The following NCOR2 variants were observed in gnomAD, a reference collection of about 807,000 sequenced individuals.
The protein encoded by NCOR2 is CTG repeat protein 26.
A neutral mutation model predicts 262.9 loss-of-function variants in NCOR2; 81 were observed. That is an observed-to-expected ratio of 0.31 (90% CI 0.26 to 0.37). The LOEUF (loss-of-function observed/expected upper bound fraction) is 0.37. NCOR2 is among the 10% of genes least tolerant of loss of function. The pLI is 1.00. For missense variants in NCOR2, 3,385 were observed against 3,621.4 expected (o/e 0.93, Z 1.68); for synonymous variants, 1,659 against 1,559.3 (o/e 1.06, Z -1.51).
At chr12:124,374,387 C>G (rs776716904) in intron 19 of NCOR2, 26 bp downstream of exon 21, 1 of 1,611,110 alleles carries the variant, frequency 6.2e-7, no homozygotes, top group Non-Finnish European at 8.5e-7. Context: ...GGCCCTACCC[C>G]CCAGGCCAGC....
Position 124,389,219 on chromosome 12 carries a change from C to T in NCOR2, c.1877-3332G>A, listed in dbSNP as rs1248337854. ...GGCCAGAGCCCACAGACCCCCGGGC[C>T]GGGCAAAATCCAAGGACCCAGGCCC... On this transcript the variant is annotated intron_variant, in intron 16 of 46. Coordinates refer to ENST00000405201, the Ensembl canonical transcript of NCOR2. The surrounding 1 kb of genome is among the most constrained non-coding windows in gnomAD (Gnocchi z 4.4). 2.6e-5 allele frequency among the ~76,000 whole-genome samples: 4 copies of T among 152,378 alleles called. No individual in the cohort carries two copies. Among genetic ancestry groups the T allele is most frequent in the South Asian group, 2.1e-4 (1 of 4,832 alleles).
intron 1 of NCOR2, among the ~76,000 whole-genome samples, chr12:124,543,533 T>C (rs1447965077): frequency 2.6e-5 from 4 of 152,050 alleles, no homozygotes; most frequent in Admixed American, 6.5e-5. Flanking sequence ...GCCACTCCAT[T>C]CTCCACCCCG....
intron 8 of NCOR2, among the ~76,000 whole-genome samples, chr12:124,434,259 G>A (rs1050357094): frequency 1.3e-5 from 2 of 152,144 alleles, no homozygotes; most frequent in African/African-American, 2.4e-5. Flanking sequence ...AGGCACATCA[G>A]AGTTCTCGGC....
chr12:124,380,424 G>A (rs540179338), intron 17 of NCOR2, among the ~76,000 whole-genome samples: 2 of 152,370 alleles, frequency 1.3e-5, no homozygotes, highest in South Asian at 4.1e-4. Flanking sequence ...GAGGGCCACA[G>A]CCCTGCCCCT....
chr12:124,402,512 GGCTGCTGCTGCTGCT>G (rs35831183), exon 14 of NCOR2: 279 of 1,459,508 alleles, frequency 1.9e-4, no homozygotes, highest in African/African-American at 1.1e-3. Flanking sequence ...GCGGGGCATG[GGCTGCTGCTGCTGCT>G]GCTGCTGCTG....
Position 124,442,376 on chromosome 12 carries a change from G to C in NCOR2, c.816-4380C>G, listed in dbSNP as rs557703030. ...GCTCGTCTCCAACTCCTAGCCTCAA[G>C]TGATCCTCCCACCTTGGCCTCCCAA... On this transcript the variant is annotated intron_variant, in intron 7 of 46. Coordinates refer to ENST00000405201, the Ensembl canonical transcript of NCOR2. 1.2e-4 allele frequency among the ~76,000 whole-genome samples: 18 copies of C among 152,340 alleles called. No individual in the cohort carries two copies. In the South Asian group the frequency reaches 3.7e-3, roughly 32 times the overall value.
chr12:124,456,791 A>G (rs1375200551), intron 6 of NCOR2, among the ~76,000 whole-genome samples: 1 of 152,170 alleles, frequency 6.6e-6, no homozygotes, highest in Non-Finnish European at 1.5e-5. Context: ...GAGCAAGCGC[A>G]CCGGCCTACG....
At chr12:124,422,452 T>C in intron 12 of NCOR2, 49 bp downstream of exon 14, 10 of 1,610,374 alleles carry the variant, frequency 6.2e-6, no homozygotes, top group Admixed American at 3.3e-5. Context: ...TCCACGCAGT[T>C]GCCCACGGAG....
chr12:124,437,861 T>A (rs1593535910), intron 8 of NCOR2, 69 bp downstream of exon 10: 2 of 1,450,994 alleles, frequency 1.4e-6, no homozygotes, highest in East Asian at 4.8e-5. Flanking sequence ...CCGGCAGGTG[T>A]GGCCCCCTGT....
rs776138026 is a variant in NCOR2 at position 124,503,739 on chromosome 12, GATGGATGC to G, written c.-117-8379_-117-8372del. ...AGACGAATGGATGGATGGATGGACG[GATGGATGC>G]ATGGATGCATGGATGGATGGATGGA... On this transcript the variant is annotated intron_variant, in intron 1 of 46. Coordinates refer to the NCOR2 transcript ENST00000404621. The surrounding 1 kb of genome is among the most constrained non-coding windows in gnomAD (Gnocchi z 4.3). 1.9e-3 allele frequency among the ~76,000 whole-genome samples: 285 copies of G among 150,752 alleles called. 2 individuals carry two copies. The highest frequency in any genetic ancestry group is 3.7e-3 in the African/African-American group (153 of 41,434).
intron 2 of NCOR2, among the ~76,000 whole-genome samples, chr12:124,484,311 A>G (rs1165015379): frequency 6.6e-6 from 1 of 151,986 alleles, no homozygotes; most frequent in Non-Finnish European, 1.5e-5. Context: ...CACCTTCTCA[A>G]CTCAGCCTAG....
intron 30 of NCOR2, among the ~76,000 whole-genome samples, chr12:124,347,205 C>T (rs1272297039): frequency 1.3e-5 from 2 of 151,976 alleles, no homozygotes; most frequent in Non-Finnish European, 2.9e-5. Flanking sequence ...CCCACCTCTA[C>T]AAAAATACAA....
At chr12:124,355,751 C>T (rs953086150) in intron 23 of NCOR2, among the ~76,000 whole-genome samples, 180 bp from the exon 26 acceptor site, 3 of 152,182 alleles carry the variant, frequency 2.0e-5, no homozygotes, top group African/African-American at 7.2e-5. Flanking sequence ...TAGGTGCAGA[C>T]ACCACTATCC....
At chr12:124,553,032 T>C (rs914491170) in intron 1 of NCOR2, among the ~76,000 whole-genome samples, 1 of 152,208 alleles carries the variant, frequency 6.6e-6, no homozygotes, top group Admixed American at 6.5e-5. Flanking sequence ...AGGTCTGAAA[T>C]GGATCTAACA....
intron 22 of NCOR2, among the ~76,000 whole-genome samples, chr12:124,358,005 T>TGC (rs1213226376): frequency 6.8e-6 from 1 of 147,636 alleles, no homozygotes; most frequent in Non-Finnish European, 1.5e-5. Context: ...GGTGTGTGTG[T>TGC]GTGCACACGT....
At chr12:124,550,614 G>A (rs572609051) in intron 1 of NCOR2, among the ~76,000 whole-genome samples, 23 of 152,298 alleles carry the variant, frequency 1.5e-4, no homozygotes, top group African/African-American at 5.3e-4. Flanking sequence ...TTTTTTATGT[G>A]CAAGCTTTTC....
exon 46 of NCOR2, chr12:124,326,209 C>T (rs1027083621): frequency 1.3e-6 from 2 of 1,536,098 alleles, no homozygotes; most frequent in Non-Finnish European, 8.8e-7. Flanking sequence ...GAGGGCCTGT[C>T]CTCCCACACG....
intron 31 of NCOR2, 118 bp downstream of exon 33, chr12:124,346,446 T>C (rs1195267597): frequency 2.6e-6 from 3 of 1,132,762 alleles, no homozygotes; most frequent in Non-Finnish European, 3.5e-6. Context: ...TGGGTGACTG[T>C]AAGGTACGCG....
chr12:124,354,381 G>A (rs1322644216), intron 26 of NCOR2, 97 bp downstream of exon 28: 8 of 1,262,340 alleles, frequency 6.3e-6, no homozygotes, highest in Non-Finnish European at 8.6e-6. Flanking sequence ...AGACCCTCTG[G>A]GAGATGACAC....
Sources: gnomAD v4.1 joint callset for allele counts (sites outside exome capture counted in the v4.1 genomes callset) on GRCh38, gnomAD v4.1.1 for gene constraint, Gnocchi (gnomAD v3.1) non-coding constraint, MANE v1.5 for transcripts, NCBI Gene and HGNC (gene_info 2026-07-23, HGNC 2026-07-21) for gene names.